The following TOX4 variants were observed in gnomAD, a reference collection of about 807,000 sequenced individuals.
TOX4 encodes TOX high mobility group box family member 4.
Under a neutral mutation model 61.0 loss-of-function variants are expected in TOX4, and 12 were observed. That is an observed-to-expected ratio of 0.20 (90% CI 0.13 to 0.32). The LOEUF is 0.32. TOX4 is among the 10% of genes least tolerant of loss of function. TOX4 has a pLI of 1.00. For synonymous variants in TOX4, 268 were observed against 274.8 expected (o/e 0.98, Z 0.24); for missense variants, 499 against 753.3 (o/e 0.66, Z 3.95).
intron 3 of TOX4, 104 bp downstream of exon 3, chr14:21,487,797 CTTCTT>C: frequency 7.5e-7 from 1 of 1,328,014 alleles, no homozygotes; most frequent in African/African-American, 1.5e-5. Flanking sequence ...ACTTGTTTCT[CTTCTT>C]GTGGCTAAAG....
intron 3 of TOX4, chr14:21,488,113 T>C (rs2139623908): frequency 5.9e-6 from 1 of 170,606 alleles, no homozygotes; most frequent in East Asian, 1.7e-4. Context: ...TGTGGATTAG[T>C]ATGTAATATA....
intron 8 of TOX4, 25 bp downstream of exon 8, chr14:21,495,417 T>C (rs1299729247): frequency 6.3e-7 from 1 of 1,596,938 alleles, no homozygotes; most frequent in Non-Finnish European, 8.5e-7. Context: ...CTCCCTTTTA[T>C]AATTCAGCTA....
At chr14:21,481,120 T>C (rs1041171449) in intron 2 of TOX4, among the ~76,000 whole-genome samples, 2 of 152,062 alleles carry the variant, frequency 1.3e-5, no homozygotes, top group East Asian at 3.9e-4. Context: ...AGGCAAAAGA[T>C]TTGAACAGTC....
At chr14:21,477,910 G>A (rs924868624) in intron 2 of TOX4, among the ~76,000 whole-genome samples, 30 of 152,268 alleles carry the variant, frequency 2.0e-4, no homozygotes, top group African/African-American at 7.2e-4. Context: ...AGCAGCTGAA[G>A]AAATTGGGGT....
chr14:21,477,468 A>G, intron 1 of TOX4, 28 bp from the exon 2 acceptor site: 2 of 1,612,942 alleles, frequency 1.2e-6, no homozygotes, highest in Non-Finnish European at 1.7e-6. Flanking sequence ...CCCCTAACTT[A>G]TCCCCGCGAC....
rs1891471830 is a variant in TOX4 at position 21,498,592 on chromosome 14, A to C, written c.*1986A>C. ...GGATCTGTATTATCTGAGGGTTAGT[A>C]ACTAATGCTTAGCCAGGCCTGCTTC... On this transcript the variant is annotated 3_prime_UTR_variant, in exon 9 of 9. Coordinates refer to ENST00000448790, the MANE Select transcript of TOX4 (RefSeq NM_014828.4). 1.2e-5 allele frequency: 7 copies of C among 568,526 alleles called. No individual in the cohort carries two copies. In the South Asian group the frequency reaches 1.4e-4, roughly 12 times the overall value. The allele number at this position is 568,526 out of a possible 1,614,324, so 35.2% of individuals were successfully genotyped here.
intron 2 of TOX4, among the ~76,000 whole-genome samples, chr14:21,478,426 C>T (rs1396003512): frequency 3.3e-5 from 5 of 152,196 alleles, no homozygotes; most frequent in Non-Finnish European, 7.3e-5. Context: ...TCACAGTTTC[C>T]CCAGCTGTCA....
At chr14:21,481,371 T>C (rs550207146) in intron 2 of TOX4, among the ~76,000 whole-genome samples, 7 of 152,116 alleles carry the variant, frequency 4.6e-5, no homozygotes, top group Non-Finnish European at 1.0e-4. Context: ...TAGAGACCGG[T>C]TTTCACCATG....
chr14:21,483,899 C>T (rs919605660), intron 2 of TOX4, among the ~76,000 whole-genome samples: 1 of 151,986 alleles, frequency 6.6e-6, no homozygotes, highest in African/African-American at 2.4e-5. Context: ...CCTTCAACTC[C>T]TGGGTTCAAG....
rs1318147385 is a variant in TOX4, at chr14:21,497,065, T to G, written c.*459T>G. 1 of 155,122 alleles carries G rather than the reference T, an allele frequency of 6.4e-6. No homozygotes were observed. The highest frequency in any genetic ancestry group is 1.4e-5 in the Non-Finnish European group (1 of 69,730). The allele number at this position is 155,122 out of a possible 1,614,324, so 9.6% of individuals were successfully genotyped here. The stretch of plus-strand genomic sequence containing the variant: ...CCCATTATCACATCAGTACACTGCT[T>G]TGAAAACAAAACTTTTCAACATGGG... On this transcript the variant is annotated 3_prime_UTR_variant, in exon 9 of 9. Coordinates refer to ENST00000448790, the MANE Select transcript of TOX4 (RefSeq NM_014828.4).
chr14:21,483,442 TAAAAA>T (rs1414175880), intron 2 of TOX4, among the ~76,000 whole-genome samples: 3 of 151,814 alleles, frequency 2.0e-5, no homozygotes, highest in African/African-American at 7.3e-5. Flanking sequence ...CCTTCTACCT[TAAAAA>T]TGCTCACGTA....
intron 7 of TOX4, 96 bp from the exon 8 acceptor site, chr14:21,495,133 C>G: frequency 2.2e-6 from 3 of 1,391,298 alleles, no homozygotes; most frequent in Non-Finnish European, 3.0e-6. Context: ...AATTCTAATA[C>G]CTGTTGCTTC....
chr14:21,482,436 T>C (rs1891121289), intron 2 of TOX4: 9 of 380,792 alleles, frequency 2.4e-5, no homozygotes, highest in Non-Finnish European at 4.7e-5. Context: ...AAAGAAATAA[T>C]AGATTGTATG....
At position 21,492,697 on chromosome 14, in the gene TOX4, G is replaced by A. The variant is rs768749444; in HGVS notation, c.1081G>A (p.Gly361Ser). The A allele has an allele frequency of 1.9e-6, 3 of 1,613,980 alleles. No homozygotes were observed. The highest frequency in any genetic ancestry group is 1.7e-5 in the Admixed American group (1 of 60,010). ...VANQASSGAG[G>S]QPNITKLIIT... ...AAACCAGGCATCTTCTGGAGCTGGG[G>A]GTCAGCCCAATATCACCAAGTTGAT... The change falls in exon 7 of 9, where the codon GGT becomes AGT. Residue 361 changes from glycine (G) to serine (S), a missense_variant. Coordinates refer to ENST00000448790, the MANE Select transcript of TOX4 (RefSeq NM_014828.4).
At chr14:21,477,451 C>T in intron 1 of TOX4, 45 bp from the exon 2 acceptor site, 2 of 1,612,000 alleles carry the variant, frequency 1.2e-6, no homozygotes, top group Non-Finnish European at 1.7e-6. Context: ...AAGCTGACTC[C>T]CTGCTCCCCC....
chr14:21,496,964 C>T lies in TOX4; in HGVS notation c.*358C>T. 1 of 211,410 alleles carries T rather than the reference C, an allele frequency of 4.7e-6. No individual in the cohort carries two copies. Among genetic ancestry groups the T allele is most frequent in the Non-Finnish European group, 9.7e-6 (1 of 103,610 alleles). 13.1% of individuals were successfully genotyped at this position (211,410 alleles called of 1,614,324 possible). A position where few individuals can be genotyped will look rare whatever the true frequency, so the allele number is the denominator to read the frequency against. On this transcript the variant is annotated 3_prime_UTR_variant, in exon 9 of 9. Transcript: ENST00000448790. The stretch of plus-strand genomic sequence containing the variant: ...ATATTATTAAAATTACGGGAGTGTA[C>T]TCAGCTTTGAGCCTAGGAGAAAATG...
At chr14:21,487,273 A>G (rs888067355) in intron 2 of TOX4, among the ~76,000 whole-genome samples, 178 bp from the exon 3 acceptor site, 6 of 152,224 alleles carry the variant, frequency 3.9e-5, no homozygotes, top group African/African-American at 9.6e-5. Context: ...CAAATGACCA[A>G]GGGTATCAGA....
Position 21,498,191 on chromosome 14 carries a change from A to G in TOX4, c.*1585A>G. 1.1e-6 allele frequency: 1 copy of G among 922,372 alleles called. No homozygotes were observed. Among genetic ancestry groups the G allele is most frequent in the Non-Finnish European group, 1.8e-6 (1 of 561,864 alleles). 57.1% of individuals were successfully genotyped at this position (922,372 alleles called of 1,614,324 possible). ...AATAAAGAAGAAAGCTATTGTACAA[A>G]TATCACTCTTCAGGTTTAGCTTACA... is the stretch of plus-strand genomic sequence containing the variant. On this transcript the variant is annotated 3_prime_UTR_variant, in exon 9 of 9. Coordinates refer to ENST00000448790, the MANE Select transcript of TOX4 (RefSeq NM_014828.4).
At chr14:21,488,928 A>T in intron 4 of TOX4, 78 bp downstream of exon 4, 1 of 1,568,354 alleles carries the variant, frequency 6.4e-7, no homozygotes, top group Non-Finnish European at 8.7e-7. Context: ...CCTAATCAGT[A>T]TTCTTTACCC....
Sources: gnomAD v4.1 joint callset for allele counts (sites outside exome capture counted in the v4.1 genomes callset) on GRCh38, gnomAD v4.1.1 for gene constraint, MANE v1.5 for transcripts, NCBI Gene and HGNC (gene_info 2026-07-23, HGNC 2026-07-21) for gene names.